Variants in RBMS3 observed in about 807,000 individuals in gnomAD.
RBMS3 encodes RNA binding motif single stranded interacting protein 3.
RBMS3 carries 27 observed loss-of-function variants against 66.8 expected under a neutral mutation model. That is an observed-to-expected ratio of 0.40 (90% CI 0.30 to 0.56). The LOEUF (loss-of-function observed/expected upper bound fraction) is 0.56. RBMS3 is among the 20% of genes least tolerant of loss of function. The probability of loss-of-function intolerance (pLI) is 0.40; values close to 1 mark genes in which losing one functional copy is unlikely to be tolerated. For synonymous variants in RBMS3, 188 were observed against 183.0 expected (o/e 1.03, Z -0.22); for missense variants, 513 against 549.5 (o/e 0.93, Z 0.66).
chr3:29,946,283 T>C (rs1256270716), intron 12 of RBMS3, among the ~76,000 whole-genome samples: 2 of 151,724 alleles, frequency 1.3e-5, no homozygotes, highest in Non-Finnish European at 3.0e-5. Flanking sequence ...AATAGCATTG[T>C]AATATCTCCT....
chr3:29,795,952 G>A (rs944643794), intron 6 of RBMS3, among the ~76,000 whole-genome samples: 3 of 152,158 alleles, frequency 2.0e-5, no homozygotes, highest in Non-Finnish European at 4.4e-5. Flanking sequence ...CAGAGGGGTA[G>A]GAAATGGATA....
chr3:29,449,178 T>C (rs1032882548), intron 2 of RBMS3, among the ~76,000 whole-genome samples: 2 of 152,202 alleles, frequency 1.3e-5, no homozygotes, highest in Non-Finnish European at 2.9e-5. Flanking sequence ...CTGTAACCAA[T>C]TAAGTACAGA....
chr3:29,977,706 C>A (rs915460414), intron 12 of RBMS3, among the ~76,000 whole-genome samples: 7 of 152,076 alleles, frequency 4.6e-5, no homozygotes, highest in Non-Finnish European at 1.0e-4. Context: ...TTACCAAATA[C>A]ATATATATTC....
chr3:29,371,830 C>A (rs774436190), intron 1 of RBMS3, among the ~76,000 whole-genome samples: 1 of 152,156 alleles, frequency 6.6e-6, no homozygotes, highest in Non-Finnish European at 1.5e-5. Context: ...GCTTAAAGAA[C>A]TAGGCGATGT....
intron 4 of RBMS3, among the ~76,000 whole-genome samples, chr3:29,716,393 A>G (rs2053396270): frequency 3.9e-5 from 6 of 152,148 alleles, no homozygotes; most frequent in African/African-American, 1.2e-4. Flanking sequence ...GATATTAGTT[A>G]TTTTGCTAAT....
chr3:29,281,788 G>A, intron 1 of RBMS3, 32 bp downstream of exon 1: 1 of 1,572,388 alleles, frequency 6.4e-7, no homozygotes, highest in Non-Finnish European at 8.7e-7. Context: ...GGCGATCAGC[G>A]TGGTATCGTT....
At chr3:29,339,326 G>A (rs188623201) in intron 1 of RBMS3, among the ~76,000 whole-genome samples, 22 of 152,308 alleles carry the variant, frequency 1.4e-4, no homozygotes, top group African/African-American at 5.1e-4. Flanking sequence ...GAGCATTAAA[G>A]TGTGCCTAAT....
Position 30,008,216 on chromosome 3 carries a change from G to A in RBMS3, c.*4354G>A, listed in dbSNP as rs987010360. 1 of 151,950 alleles carries A rather than the reference G, an allele frequency of 6.6e-6. No individual in the cohort carries two copies. Among genetic ancestry groups the A allele is most frequent in the African/African-American group, 2.4e-5 (1 of 41,382 alleles). The allele number at this position is 151,950 out of a possible 1,614,324, so 9.4% of individuals were successfully genotyped here. On this transcript the variant is annotated 3_prime_UTR_variant, in exon 15 of 15. Transcript: ENST00000383767. ...GACTCTTGCAGTCATCTTCACGACT[G>A]AGGAGAAGTTTCAATAGGCTGTCTA...
chr3:29,570,183 A>T (rs2046898786), intron 3 of RBMS3, among the ~76,000 whole-genome samples: 1 of 152,028 alleles, frequency 6.6e-6, no homozygotes, highest in Non-Finnish European at 1.5e-5. Flanking sequence ...TTATTTTTGA[A>T]ATTTTAATTT....
intron 4 of RBMS3, among the ~76,000 whole-genome samples, chr3:29,670,920 G>C (rs943660036): frequency 6.6e-6 from 1 of 152,202 alleles, no homozygotes; most frequent in African/African-American, 2.4e-5. Flanking sequence ...TGAGCACGGA[G>C]TTTGAGATCT....
At chr3:29,517,932 T>C (rs1285786152) in intron 3 of RBMS3, among the ~76,000 whole-genome samples, 2 of 152,212 alleles carry the variant, frequency 1.3e-5, no homozygotes, top group Admixed American at 6.5e-5. Context: ...AGAAATTCTT[T>C]ATAACCTTTT....
In RBMS3 at chr3:29,828,456, TA is replaced by T. The variant is rs910200011; in HGVS notation, c.638-40396del. ...GTTTAGCATTAAGTAACTTAGAACATAAAAAACAATGCAACAAGCATATTAT... is the reference window on the plus strand; with the variant it reads ...GTTTAGCATTAAGTAACTTAGAACATAAAAACAATGCAACAAGCATATTAT... On this transcript the variant is annotated intron_variant, in intron 6 of 14. Coordinates refer to ENST00000383767, the MANE Select transcript of RBMS3 (RefSeq NM_001003793.3). 1.8e-4 allele frequency among the ~76,000 whole-genome samples: 28 copies of T among 152,300 alleles called. 3 individuals are homozygous for T. The South Asian group carries it at 3.5e-3, about 19-fold the overall frequency.
intron 10 of RBMS3, among the ~76,000 whole-genome samples, chr3:29,903,942 A>C (rs1481104308): frequency 2.6e-5 from 4 of 151,986 alleles, no homozygotes; most frequent in Non-Finnish European, 4.4e-5. Context: ...CTTCTTCTTT[A>C]CAACCAGGCT....
chr3:29,525,698 A>G (rs1293281638), intron 3 of RBMS3, among the ~76,000 whole-genome samples: 3 of 152,110 alleles, frequency 2.0e-5, no homozygotes, highest in African/African-American at 7.2e-5. Flanking sequence ...GAGTTCTTCA[A>G]TCTTCAATCT....
rs150745685 is a variant in RBMS3 at position 29,691,479 on chromosome 3, G to T, written c.400-48241G>T. Among the ~76,000 whole-genome samples, 749 of 152,194 alleles carry T rather than the reference G, an allele frequency of 4.9e-3. 6 individuals carry two copies. The highest frequency in any genetic ancestry group is 7.7e-3 in the Non-Finnish European group (524 of 67,996). On this transcript the variant is annotated intron_variant, in intron 4 of 14. Transcript: ENST00000383767. The stretch of plus-strand genomic sequence containing the variant: ...GTACTTCTCTTTTCATGACTTGTTC[G>T]TGGGTTTCTGTCAACATCAATAAAG...
chr3:29,890,494 T>C (rs970148364), intron 8 of RBMS3, among the ~76,000 whole-genome samples: 4 of 151,656 alleles, frequency 2.6e-5, no homozygotes, highest in African/African-American at 9.7e-5. Context: ...TATCCAAAGA[T>C]GTAGTTGCAG....
At chr3:29,446,772 G>A (rs2041846658) in intron 2 of RBMS3, among the ~76,000 whole-genome samples, 1 of 152,032 alleles carries the variant, frequency 6.6e-6, no homozygotes, top group African/African-American at 2.4e-5. Flanking sequence ...GTGATATTCT[G>A]ATATCACTTG....
chr3:29,457,408 G>A (rs564065273), intron 2 of RBMS3, among the ~76,000 whole-genome samples: 50 of 152,074 alleles, frequency 3.3e-4, no homozygotes, highest in Non-Finnish European at 6.5e-4. Flanking sequence ...AATTTTACCG[G>A]TAAGCCCAGA....
intron 1 of RBMS3, among the ~76,000 whole-genome samples, chr3:29,346,916 A>G (rs937504032): frequency 2.6e-5 from 4 of 152,226 alleles, no homozygotes; most frequent in Admixed American, 6.5e-5. Flanking sequence ...TGGCCTGCAA[A>G]CATAACATTT....
Sources: gnomAD v4.1 joint callset for allele counts (sites outside exome capture counted in the v4.1 genomes callset) on GRCh38, gnomAD v4.1.1 for gene constraint, MANE v1.5 for transcripts, NCBI Gene and HGNC (gene_info 2026-07-23, HGNC 2026-07-21) for gene names.